The following NOX4 variants were observed in gnomAD, a reference collection of about 807,000 sequenced individuals.
NOX4 encodes the protein NADPH oxidase 4.
NOX4 carries 69 observed loss-of-function variants against 87.6 expected under a neutral mutation model. The observed-to-expected ratio is 0.79, with a 90% CI of 0.65 to 0.96. NOX4 has a LOEUF of 0.96. Among genes scored for constraint, NOX4 ranks in the 40% least tolerant of loss-of-function variants. The pLI is 0.00. For synonymous variants in NOX4, 275 were observed against 238.2 expected, an observed-to-expected ratio of 1.15 and a Z score of -1.42; for missense variants, 680 against 681.5, an observed-to-expected ratio of 1.00 and a Z score of 0.02.
chr11:89,370,750 G>A (rs541268560), intron 12 of NOX4, among the ~76,000 whole-genome samples: 1 of 152,080 alleles, frequency 6.6e-6, no homozygotes, highest in Admixed American at 6.6e-5. Context: ...ACGTATCTAG[G>A]AGATGCAATT....
chr11:89,432,759 C>G (rs200375842), intron 7 of NOX4, 25 bp downstream of exon 7: 1 of 1,535,746 alleles, frequency 6.5e-7, no homozygotes, highest in Non-Finnish European at 9.0e-7. Context: ...AGATACACAT[C>G]AAAATAATTG....
the NOX4 span, among the ~76,000 whole-genome samples, chr11:89,550,752 C>A: frequency 6.6e-6 from 1 of 152,158 alleles, no homozygotes; most frequent in Non-Finnish European, 1.5e-5. Context: ...TGCCTGTTCA[C>A]TCTGATGATA....
chr11:89,413,003 T>C (rs911340030), intron 8 of NOX4, among the ~76,000 whole-genome samples: 3 of 152,096 alleles, frequency 2.0e-5, no homozygotes, highest in Non-Finnish European at 4.4e-5. Context: ...AATAATCAGA[T>C]TTAAAAATGG....
intron 6 of NOX4, 41 bp from the exon 7 acceptor site, chr11:89,432,897 G>C: frequency 7.4e-7 from 1 of 1,351,908 alleles, no homozygotes; most frequent in East Asian, 2.4e-5. Context: ...TTAAATCATA[G>C]TGAGAAAAAA....
chr11:89,575,364 A>T, the NOX4 span, among the ~76,000 whole-genome samples: 1 of 152,156 alleles, frequency 6.6e-6, no homozygotes, highest in Non-Finnish European at 1.5e-5. Flanking sequence ...TTCACCCAGG[A>T]ATCTGTTTTA....
At chr11:89,474,927 A>G in intron 2 of NOX4, among the ~76,000 whole-genome samples, 1 of 151,922 alleles carries the variant, frequency 6.6e-6, no homozygotes, top group South Asian at 2.1e-4. Context: ...ACATATGAAA[A>G]CAGAGGGGGT....
intron 2 of NOX4, among the ~76,000 whole-genome samples, chr11:89,478,712 T>C (rs2135463864): frequency 6.6e-6 from 1 of 152,322 alleles, no homozygotes; most frequent in Non-Finnish European, 1.5e-5. Context: ...CCAATTTTCT[T>C]CAAGTAGATC....
the NOX4 span, among the ~76,000 whole-genome samples, chr11:89,507,741 C>T: frequency 6.6e-6 from 1 of 151,618 alleles, no homozygotes. Context: ...CTGCAGTACC[C>T]AGCCTAGTAG....
intron 2 of NOX4, among the ~76,000 whole-genome samples, chr11:89,481,485 G>T (rs566767837): frequency 1.5e-4 from 23 of 152,052 alleles, no homozygotes; most frequent in African/African-American, 3.6e-4. Flanking sequence ...TATGAGTAGG[G>T]TTTACACCTA....
chr11:89,565,766 A>T, the NOX4 span, among the ~76,000 whole-genome samples: 341 of 152,058 alleles, frequency 2.2e-3, no homozygotes, highest in Middle Eastern at 6.8e-3. Context: ...CTACTTTGCT[A>T]AATACTGTAC....
intron 12 of NOX4, among the ~76,000 whole-genome samples, chr11:89,362,369 A>G (rs1181980629): frequency 1.3e-5 from 2 of 152,070 alleles, no homozygotes. Flanking sequence ...TCCAGATGTT[A>G]CATAAATAAC....
the NOX4 span, among the ~76,000 whole-genome samples, chr11:89,573,995 T>G: frequency 6.6e-6 from 1 of 152,192 alleles, no homozygotes; most frequent in Non-Finnish European, 1.5e-5. Context: ...TTTTGCCTCT[T>G]AATGCATATG....
chr11:89,471,143 C>T (rs566207648), intron 2 of NOX4, among the ~76,000 whole-genome samples: 3 of 152,196 alleles, frequency 2.0e-5, no homozygotes, highest in African/African-American at 7.2e-5. Flanking sequence ...CATCTTTCTC[C>T]GTGTTTCCTT....
intron 7 of NOX4, among the ~76,000 whole-genome samples, chr11:89,426,249 CA>C (rs1943398676): frequency 6.6e-6 from 1 of 152,034 alleles, no homozygotes; most frequent in Admixed American, 6.6e-5. Flanking sequence ...ACAAAGGTTC[CA>C]AAATGGCCAA....
upstream of NOX4, among the ~76,000 whole-genome samples, chr11:89,500,037 C>A (rs1947000633): frequency 1.3e-5 from 2 of 152,022 alleles, no homozygotes; most frequent in African/African-American, 4.8e-5. Context: ...CATTACTATT[C>A]CTCCTAAGAA....
At chr11:89,442,316 A>T (rs1944494165) in intron 5 of NOX4, among the ~76,000 whole-genome samples, 2 of 152,072 alleles carry the variant, frequency 1.3e-5, no homozygotes, top group Admixed American at 1.3e-4. Flanking sequence ...TGAAAACAGG[A>T]GAAGACTTTT....
chr11:89,436,076 A>G (rs1944068682), intron 6 of NOX4, among the ~76,000 whole-genome samples: 1 of 152,196 alleles, frequency 6.6e-6, no homozygotes, highest in Non-Finnish European at 1.5e-5. Flanking sequence ...AAAGAGTTAA[A>G]CAAATGACTT....
At chr11:89,531,531 C>T in the NOX4 span, among the ~76,000 whole-genome samples, 130 of 152,268 alleles carry the variant, frequency 8.5e-4, no homozygotes, top group African/African-American at 3.0e-3. Context: ...AATCTCATCT[C>T]AAATTGTAAT....
intron 6 of NOX4, among the ~76,000 whole-genome samples, chr11:89,438,781 T>G (rs1944252094): frequency 1.6e-5 from 1 of 63,898 alleles, no homozygotes; most frequent in Non-Finnish European, 2.6e-5. Flanking sequence ...AATAATATAA[T>G]AATATATAGT....
Sources: allele counts gnomAD v4.1 joint callset (sites outside exome capture counted in the v4.1 genomes callset), GRCh38; gene constraint gnomAD v4.1.1; transcripts MANE v1.5; gene names NCBI Gene and HGNC (gene_info 2026-07-23, HGNC 2026-07-21).